Variants in TRPM3 observed in about 807,000 individuals in gnomAD.
The protein encoded by TRPM3 is long transient receptor potential channel 3.
TRPM3 carries 77 observed loss-of-function variants against 181.2 expected under a neutral mutation model. That is an observed-to-expected ratio of 0.42 (90% CI 0.35 to 0.51). The LOEUF (loss-of-function observed/expected upper bound fraction) is 0.51, where lower values mean the gene tolerates loss of function less well. TRPM3 is among the 20% of genes least tolerant of loss of function. TRPM3 has a pLI of 0.01. For synonymous variants in TRPM3, 745 were observed against 796.4 expected (o/e 0.94, Z 1.09); for missense variants, 1,759 against 2,196.7 (o/e 0.80, Z 3.98).
intron 1 of TRPM3, among the ~76,000 whole-genome samples, chr9:71,308,835 T>A (rs891969438): frequency 2.0e-5 from 3 of 152,166 alleles, no homozygotes; most frequent in Non-Finnish European, 4.4e-5. Flanking sequence ...ACAATTCTAA[T>A]GCATTGGGTC....
At position 70,914,282 on chromosome 9, in the gene TRPM3, G is replaced by T. The variant is rs77389574; in HGVS notation, c.178-49771C>A. Among the ~76,000 whole-genome samples, 618 of 152,234 alleles carry T rather than the reference G, an allele frequency of 4.1e-3. 6 individuals are homozygous for T. Among genetic ancestry groups the T allele is most frequent in the African/African-American group, 0.014 (575 of 41,552 alleles). ...GAACACAGGAACATCGTGCTATTTT[G>T]GAAGCAGAGATTCCTCACAATACAC... On this transcript the variant is annotated intron_variant, in intron 1 of 25. Coordinates refer to ENST00000677713, the MANE Select transcript of TRPM3 (RefSeq NM_001366145.2).
At chr9:70,753,534 T>C (rs889562175) in intron 8 of TRPM3, among the ~76,000 whole-genome samples, 6 of 152,020 alleles carry the variant, frequency 3.9e-5, no homozygotes, top group Admixed American at 1.3e-4. Context: ...AATAGAGTAA[T>C]TGACAGGTGA....
At chr9:71,317,516 C>T (rs2088728498) in intron 1 of TRPM3, among the ~76,000 whole-genome samples, 1 of 151,928 alleles carries the variant, frequency 6.6e-6, no homozygotes, top group Non-Finnish European at 1.5e-5. Context: ...TGGTGTATGC[C>T]TATAGTCCCA....
intron 1 of TRPM3, among the ~76,000 whole-genome samples, chr9:71,325,588 A>G (rs55956760): frequency 0.046 from 7,050 of 152,292 alleles, 221 homozygotes; most frequent in South Asian, 0.081. Flanking sequence ...AGCCTTGAGC[A>G]TAACAGGTAA....
At chr9:70,597,459 G>A (rs998735846) in intron 21 of TRPM3, among the ~76,000 whole-genome samples, 1 of 152,202 alleles carries the variant, frequency 6.6e-6, no homozygotes, top group African/African-American at 2.4e-5. Flanking sequence ...AGATGAAGTA[G>A]GGGACACACT....
chr9:70,827,936 G>C lies in TRPM3; in HGVS notation c.884C>G (p.Ala295Gly). Residue 295 changes from alanine (A) to glycine (G), a missense_variant, in exon 6 of 26, where the codon GCT becomes GGT. Around this residue, in one of 8 missense-constraint regions of TRPM3, gnomAD observed 737 missense variants for 957.4 expected, o/e 0.77. Transcript: ENST00000677713. ...LNSMHSHFILADNGTTGKYGA... is the reference protein window; with the variant it reads ...LNSMHSHFILGDNGTTGKYGA... ...ATATTTTCCAGTGGTCCCGTTGTCAGCCAGAATGAAGTGGGAATGCATGCT... is the reference window on the plus strand; with the variant it reads ...ATATTTTCCAGTGGTCCCGTTGTCACCCAGAATGAAGTGGGAATGCATGCT... The C allele has an allele frequency of 6.2e-7, 1 of 1,614,134 alleles. No individual in the cohort carries two copies. The highest frequency in any genetic ancestry group is 8.5e-7 in the Non-Finnish European group (1 of 1,179,982).
chr9:70,969,166 T>C (rs1041150987), intron 1 of TRPM3, among the ~76,000 whole-genome samples: 2 of 151,802 alleles, frequency 1.3e-5, no homozygotes, highest in Admixed American at 6.6e-5. Flanking sequence ...CAGCAAACAA[T>C]TACAAGAACA....
intron 8 of TRPM3, among the ~76,000 whole-genome samples, chr9:70,684,819 T>C (rs900504268): frequency 3.3e-5 from 5 of 152,218 alleles, no homozygotes; most frequent in African/African-American, 1.2e-4. Context: ...TTTGCAATGA[T>C]GTTTGTGAGT....
rs72729786 is a variant in TRPM3, at chr9:70,901,926, G to T, written c.178-37415C>A. 3.0e-4 allele frequency among the ~76,000 whole-genome samples: 46 copies of T among 152,214 alleles called. No homozygotes were observed. The South Asian group carries it at 9.1e-3, about 30-fold the overall frequency. ...TGATGATGTTCATCATCATCATTAGGCTTCTATTACATGTCACATATTGTG... is the reference window on the plus strand; with the variant it reads ...TGATGATGTTCATCATCATCATTAGTCTTCTATTACATGTCACATATTGTG... On this transcript the variant is annotated intron_variant, in intron 1 of 25. Coordinates refer to ENST00000677713, the MANE Select transcript of TRPM3 (RefSeq NM_001366145.2).
At chr9:71,010,932 TACACAC>T (rs60869396) in intron 1 of TRPM3, among the ~76,000 whole-genome samples, 26,852 of 147,058 alleles carry the variant, frequency 0.18, 2,558 homozygotes, top group Middle Eastern at 0.22. Context: ...CACACACACA[TACACAC>T]ACACACACAC....
At chr9:70,901,559 A>T (rs1221901458) in intron 1 of TRPM3, among the ~76,000 whole-genome samples, 1 of 152,174 alleles carries the variant, frequency 6.6e-6, no homozygotes, top group Non-Finnish European at 1.5e-5. Context: ...GGAAAAATAT[A>T]CTCAGGAGAT....
At chr9:71,321,459 A>G (rs1486299775) in intron 1 of TRPM3, among the ~76,000 whole-genome samples, 1 of 152,182 alleles carries the variant, frequency 6.6e-6, no homozygotes, top group East Asian at 1.9e-4. Flanking sequence ...AAACAGAAAA[A>G]TCAGCAACAT....
intron 5 of TRPM3, among the ~76,000 whole-genome samples, chr9:70,833,424 A>T (rs1339616554): frequency 6.6e-6 from 1 of 152,182 alleles, no homozygotes; most frequent in Non-Finnish European, 1.5e-5. Flanking sequence ...TTCTTTCCTA[A>T]TAGCACCATC....
At chr9:70,678,998 C>T (rs1176992808) in intron 9 of TRPM3, among the ~76,000 whole-genome samples, 2 of 152,210 alleles carry the variant, frequency 1.3e-5, no homozygotes, top group Non-Finnish European at 2.9e-5. Flanking sequence ...CCATTAGCAT[C>T]AACTGCTGCA....
intron 1 of TRPM3, among the ~76,000 whole-genome samples, chr9:71,207,562 T>G (rs2079200313): frequency 6.6e-6 from 1 of 152,146 alleles, no homozygotes; most frequent in Non-Finnish European, 1.5e-5. Flanking sequence ...ATATCCAGAA[T>G]GTATCTTGTA....
chr9:71,089,583 A>C (rs1054568349), intron 1 of TRPM3, among the ~76,000 whole-genome samples: 7 of 151,880 alleles, frequency 4.6e-5, no homozygotes, highest in Admixed American at 2.6e-4. Flanking sequence ...GAAAAAAAAA[A>C]CACCAAAGAA....
chr9:70,939,000 A>G (rs74346701), intron 1 of TRPM3, among the ~76,000 whole-genome samples: 1 of 152,006 alleles, frequency 6.6e-6, no homozygotes, highest in Non-Finnish European at 1.5e-5. Context: ...TAAAAAAAAA[A>G]CATTCATTTC....
At chr9:71,023,562 C>T (rs1029854792) in intron 1 of TRPM3, among the ~76,000 whole-genome samples, 16 of 152,158 alleles carry the variant, frequency 1.1e-4, no homozygotes, top group Middle Eastern at 3.4e-3. Flanking sequence ...TTCATAAGAG[C>T]CCCAAAGTGG....
chr9:70,744,537 GTGT>G (rs921829698), intron 8 of TRPM3, among the ~76,000 whole-genome samples: 3 of 151,994 alleles, frequency 2.0e-5, no homozygotes, highest in Admixed American at 6.6e-5. Context: ...TAGATGAAAG[GTGT>G]TATTATTATT....
Sources: gnomAD v4.1 joint callset for allele counts (sites outside exome capture counted in the v4.1 genomes callset) on GRCh38, gnomAD v4.1.1 for gene constraint, gnomAD v4.1.1 regional missense constraint, MANE v1.5 for transcripts, NCBI Gene and HGNC (gene_info 2026-07-23, HGNC 2026-07-21) for gene names.